Variants in OGFOD1 observed in about 807,000 individuals in gnomAD.
The protein encoded by OGFOD1 is prolyl 3-hydroxylase OGFOD1.
OGFOD1 carries 54 observed loss-of-function variants against 67.7 expected under a neutral mutation model. That is an observed-to-expected ratio of 0.80 (90% CI 0.64 to 1.00). The LOEUF is 1.00. Among genes scored for constraint, OGFOD1 ranks in the 50% least tolerant of loss-of-function variants. OGFOD1 has a pLI of 0.00. For synonymous variants in OGFOD1, 221 were observed against 227.0 expected, an observed-to-expected ratio of 0.97 and a Z score of 0.24; for missense variants, 606 against 646.7, an observed-to-expected ratio of 0.94 and a Z score of 0.68.
chr16:56,469,929 C>T (rs1449950822), intron 8 of OGFOD1, 74 bp from the exon 9 acceptor site: 1 of 1,172,396 alleles, frequency 8.5e-7, no homozygotes. Flanking sequence ...TTTGGCAGAG[C>T]TGCTGTACCT....
Position 56,478,281 on chromosome 16 carries a change from C to T in OGFOD1, c.*2076C>T. ...TCAAGCAATTCTCCTGCCTCAGCCT[C>T]CTAAGTAGCTGGGATTACAGGCACC... On this transcript the variant is annotated 3_prime_UTR_variant, in exon 13 of 13. Coordinates refer to ENST00000566157, the MANE Select transcript of OGFOD1 (RefSeq NM_018233.4). 1 of 152,258 alleles carries T rather than the reference C, an allele frequency of 6.6e-6. No homozygotes were observed. Among genetic ancestry groups the T allele is most frequent in the Non-Finnish European group, 1.5e-5 (1 of 68,044 alleles). 9.4% of individuals were successfully genotyped at this position (152,258 alleles called of 1,614,324 possible).
At chr16:56,452,508 T>C (rs1962375927) in intron 1 of OGFOD1, among the ~76,000 whole-genome samples, 1 of 152,126 alleles carries the variant, frequency 6.6e-6, no homozygotes, top group Non-Finnish European at 1.5e-5. Flanking sequence ...CCTTCTAGAG[T>C]TTGCCGTAAT....
At chr16:56,471,825 G>A (rs1359015795) in intron 10 of OGFOD1, among the ~76,000 whole-genome samples, 1 of 152,252 alleles carries the variant, frequency 6.6e-6, no homozygotes, top group Non-Finnish European at 1.5e-5. Flanking sequence ...ACACAGGGTA[G>A]CCTTTCTTTG....
intron 10 of OGFOD1, among the ~76,000 whole-genome samples, chr16:56,472,796 C>G (rs1018993471): frequency 1.3e-5 from 2 of 152,026 alleles, no homozygotes; most frequent in Admixed American, 6.6e-5. Flanking sequence ...ATATATTGTT[C>G]TGTATTTTTT....
chr16:56,466,439 C>T (rs758592507), intron 5 of OGFOD1, among the ~76,000 whole-genome samples, 171 bp downstream of exon 5: 5 of 152,186 alleles, frequency 3.3e-5, no homozygotes, highest in Non-Finnish European at 7.3e-5. Flanking sequence ...CTGACAACCA[C>T]CTCTTTAAGT....
intron 1 of OGFOD1, 61 bp downstream of exon 1, chr16:56,451,827 C>T (rs1962348097): frequency 6.4e-7 from 1 of 1,570,030 alleles, no homozygotes; most frequent in Non-Finnish European, 8.6e-7. Flanking sequence ...CTGAAAAAGC[C>T]CTGGGACTCG....
intron 10 of OGFOD1, among the ~76,000 whole-genome samples, chr16:56,472,468 TGAA>T (rs1408041450): frequency 6.6e-6 from 1 of 152,168 alleles, no homozygotes; most frequent in African/African-American, 2.4e-5. Context: ...TTTACCATCT[TGAA>T]GAAAAGCTAT....
At chr16:56,457,833 C>T (rs1288147864) in intron 2 of OGFOD1, among the ~76,000 whole-genome samples, 4 of 152,150 alleles carry the variant, frequency 2.6e-5, no homozygotes, top group African/African-American at 7.2e-5. Flanking sequence ...GCATGCACCA[C>T]CACGCCTGGC....
chr16:56,458,937 TAGATAACTTTATACACTG>T, intron 3 of OGFOD1: 1 of 288,204 alleles, frequency 3.5e-6, no homozygotes, highest in Non-Finnish European at 6.6e-6. Context: ...CAGATATAGA[TAGATAACTTTATACACTG>T]CTGTAGTCTT....
At position 56,477,193 on chromosome 16, in the gene OGFOD1, G is replaced by A. The variant is rs559437375; in HGVS notation, c.*988G>A. The A allele has an allele frequency of 5.3e-5, 8 of 152,218 alleles. No individual in the cohort carries two copies. The South Asian group carries it at 1.0e-3, about 20-fold the overall frequency. 9.4% of individuals were successfully genotyped at this position (152,218 alleles called of 1,614,324 possible). On this transcript the variant is annotated 3_prime_UTR_variant, in exon 13 of 13. Coordinates refer to ENST00000566157, the MANE Select transcript of OGFOD1 (RefSeq NM_018233.4). ...AATTTTGTTCTTCTCATAATTTCTG[G>A]TTTAGAAAATTATGGAGCCTTACAT...
chr16:56,475,522 A>T lies in OGFOD1; in HGVS notation c.1424A>T (p.Tyr475Phe). 1 of 1,614,044 alleles carries T rather than the reference A, an allele frequency of 6.2e-7. No individual in the cohort carries two copies. The highest frequency in any genetic ancestry group is 8.5e-7 in the Non-Finnish European group (1 of 1,179,924). Residue 475 changes from tyrosine (Y) to phenylalanine (F), a missense_variant, in exon 12 of 13, where the codon TAT becomes TTT. Coordinates refer to ENST00000566157, the MANE Select transcript of OGFOD1 (RefSeq NM_018233.4). ...CTCTTGTAAGGCTGGGAGCCAGAAT[A>T]TGGCGGTTTTACTTCTTACATTGCC... ...YCGCEGWEPE[Y>F]GGFTSYIAKG...
intron 2 of OGFOD1, among the ~76,000 whole-genome samples, chr16:56,454,444 G>A (rs572527111): frequency 1.6e-4 from 23 of 142,794 alleles, no homozygotes; most frequent in African/African-American, 5.3e-4. Context: ...CGTTAAATCC[G>A]TTCTTTTTTT....
chr16:56,475,883 G>GA (rs1963447252), intron 12 of OGFOD1, among the ~76,000 whole-genome samples, 161 bp from the exon 13 acceptor site: 2 of 152,320 alleles, frequency 1.3e-5, no homozygotes, highest in Admixed American at 1.3e-4. Flanking sequence ...GGGCTTGTTG[G>GA]AAAATGGCTT....
chr16:56,461,488 C>G (rs554354761), intron 3 of OGFOD1, among the ~76,000 whole-genome samples: 1 of 152,332 alleles, frequency 6.6e-6, no homozygotes, highest in Non-Finnish European at 1.5e-5. Flanking sequence ...CAAACTTCTT[C>G]TGAGTTCCGT....
chr16:56,467,147 C>T lies in OGFOD1; in HGVS notation c.658-18C>T. The stretch of plus-strand genomic sequence containing the variant: ...CCCTATTCTTCGTGTTGATGTGCTA[C>T]TGGGCTTCTCCTTTCAGGTGTCTGA... On this transcript the variant is annotated intron_variant, in intron 6 of 12. Coordinates refer to ENST00000566157, the MANE Select transcript of OGFOD1 (RefSeq NM_018233.4). The T allele has an allele frequency of 6.2e-7, 1 of 1,614,086 alleles. No individual in the cohort carries two copies. Among genetic ancestry groups the T allele is most frequent in the Non-Finnish European group, 8.5e-7 (1 of 1,180,000 alleles).
At chr16:56,451,545 G>A, upstream of OGFOD1, 6 of 1,535,558 alleles carry the variant, frequency 3.9e-6, no homozygotes, top group South Asian at 6.8e-5. Context: ...GGACATGCCG[G>A]GAGTTGCAGT....
In OGFOD1 at chr16:56,467,196, G is replaced by A. The variant is rs145842608; in HGVS notation, c.689G>A (p.Arg230His). 21 of 1,613,978 alleles carry A rather than the reference G, an allele frequency of 1.3e-5. No individual in the cohort carries two copies. Among genetic ancestry groups the A allele is most frequent in the African/African-American group, 4.0e-5 (3 of 74,894 alleles). ...VSEVLSEEKS[R>H]LSISGWFHGP... ...GAAGTGCTGTCTGAAGAAAAGTCAC[G>A]TTTGTCTATAAGTGGCTGGTTTCAT... Residue 230 changes from arginine to histidine, a missense_variant, in exon 7 of 13, where the codon CGT becomes CAT. By Grantham distance (29) the Arg-to-His change is conservative. Coordinates refer to ENST00000566157, the MANE Select transcript of OGFOD1 (RefSeq NM_018233.4).
intron 3 of OGFOD1, among the ~76,000 whole-genome samples, chr16:56,462,092 C>CA (rs529147206): frequency 0.046 from 5,954 of 130,006 alleles, 195 homozygotes; most frequent in East Asian, 0.17. Context: ...GACTCTATCT[C>CA]AAAAAAAAAA....
intron 4 of OGFOD1, among the ~76,000 whole-genome samples, chr16:56,465,430 T>G (rs1962862765): frequency 6.6e-6 from 1 of 152,236 alleles, no homozygotes; most frequent in Non-Finnish European, 1.5e-5. Flanking sequence ...AACTCCCTTC[T>G]TGAACAGTGA....
Sources: allele counts gnomAD v4.1 joint callset (sites outside exome capture counted in the v4.1 genomes callset), GRCh38; gene constraint gnomAD v4.1.1; transcripts MANE v1.5; gene names NCBI Gene and HGNC (gene_info 2026-07-23, HGNC 2026-07-21).